Variants in ATP6V0A2 observed in about 807,000 individuals in gnomAD.
ATP6V0A2 encodes ATPase H+ transporting V0 subunit a2.
A neutral mutation model predicts 104.4 loss-of-function variants in ATP6V0A2; 58 were observed. The observed-to-expected ratio is 0.56, with a 90% confidence interval of 0.45 to 0.69. The LOEUF (loss-of-function observed/expected upper bound fraction) is 0.69, where lower values mean the gene tolerates loss of function less well. Among genes scored for constraint, ATP6V0A2 ranks in the 30% least tolerant of loss-of-function variants. ATP6V0A2 has a pLI of 0.00. For missense variants in ATP6V0A2, 938 were observed against 1,062.9 expected (o/e 0.88, Z 1.63); for synonymous variants, 376 against 397.9 (o/e 0.95, Z 0.65).
Position 123,724,726 on chromosome 12 carries a change from C to G in ATP6V0A2, c.367C>G (p.Leu123Val). ...CAAGGAGAAACTGAGGAAAAACTTG[C>G]TGGAACTGATAGAGTACACTCACAT... is the stretch of plus-strand genomic sequence containing the variant. ...KNKEKLRKNL[L>V]ELIEYTHMLR... The change falls in exon 4 of 20, where the codon CTG becomes GTG. Residue 123 changes from leucine to valine, a missense_variant. Leu to Val is a conservative substitution (Grantham distance 32). Transcript: ENST00000330342. 6.2e-7 allele frequency: 1 copy of G among 1,613,656 alleles called. No individual in the cohort carries two copies. The highest frequency in any genetic ancestry group is 8.5e-7 in the Non-Finnish European group (1 of 1,179,800).
chr12:123,737,092 G>A lies in ATP6V0A2; in HGVS notation c.859G>A (p.Val287Met). 2 of 1,614,238 alleles carry A rather than the reference G, an allele frequency of 1.2e-6. No homozygotes were observed. Among genetic ancestry groups the A allele is most frequent in the Non-Finnish European group, 8.5e-7 (1 of 1,180,038 alleles). The change falls in exon 9 of 20, where the codon GTG (valine) becomes ATG (methionine). Residue 287 changes from valine to methionine, a missense_variant. Val to Met is a conservative substitution (Grantham distance 21, BLOSUM62 1). Transcript: ENST00000330342. Reference sequence around the variant, plus strand: ...CAAAACCGAGGACTATTTGAGGCAAGTGCTATGTAAAGCCGCCGAGTCTGT... The same window carrying A: ...CAAAACCGAGGACTATTTGAGGCAAATGCTATGTAAAGCCGCCGAGTCTGT... ...LHKTEDYLRQ[V>M]LCKAAESVYS...
At chr12:123,718,301 G>A (rs1033116184) in intron 1 of ATP6V0A2, among the ~76,000 whole-genome samples, 1 of 152,014 alleles carries the variant, frequency 6.6e-6, no homozygotes, top group African/African-American at 2.4e-5. Context: ...TGTTGGCCAG[G>A]CTGGTCTTGA....
intron 6 of ATP6V0A2, chr12:123,732,320 G>A (rs1956509094): frequency 1.3e-5 from 2 of 154,092 alleles, no homozygotes; most frequent in Non-Finnish European, 1.4e-5. Flanking sequence ...TCGCCTGGCT[G>A]GGCCCCTGCT....
At chr12:123,756,159 A>G (rs1288464931) in intron 18 of ATP6V0A2, among the ~76,000 whole-genome samples, 1 of 151,358 alleles carries the variant, frequency 6.6e-6, no homozygotes, top group African/African-American at 2.4e-5. Context: ...AGAGTTTTTA[A>G]TGTTTTAACA....
In ATP6V0A2 at chr12:123,744,146, C is replaced by T. The variant is rs1259502760; in HGVS notation, c.1190-55C>T. 2 of 1,610,204 alleles carry T rather than the reference C, an allele frequency of 1.2e-6. No individual in the cohort carries two copies. The highest frequency in any genetic ancestry group is 1.7e-6 in the Non-Finnish European group (2 of 1,176,956). Reference sequence around the variant, plus strand: ...TTATGTATCATTGTGTTTGAATGAACTCAGGTTTTCCATATTTGCTGTGAA... The same window carrying T: ...TTATGTATCATTGTGTTTGAATGAATTCAGGTTTTCCATATTTGCTGTGAA... On this transcript the variant is annotated intron_variant, in intron 10 of 19. Transcript: ENST00000330342. This position sits in a 1 kb window ranked among gnomAD's most constrained non-coding sequence, Gnocchi z 5.4.
intron 3 of ATP6V0A2, chr12:123,724,124 C>T (rs1406060572): frequency 2.0e-5 from 3 of 152,060 alleles, no homozygotes; most frequent in Non-Finnish European, 1.5e-5. Flanking sequence ...GAGTCTTGCT[C>T]TGTCACCCAA....
intron 2 of ATP6V0A2, among the ~76,000 whole-genome samples, chr12:123,721,851 C>T (rs1956402982): frequency 6.6e-6 from 1 of 152,182 alleles, no homozygotes; most frequent in African/African-American, 2.4e-5. Context: ...TCTTGTTGGA[C>T]TGATGGATGC....
At chr12:123,714,849 A>C (rs1353556402) in intron 1 of ATP6V0A2, among the ~76,000 whole-genome samples, 3 of 152,202 alleles carry the variant, frequency 2.0e-5, no homozygotes, top group African/African-American at 7.2e-5. Context: ...TCGGAGGCCA[A>C]GGCGGGCAGA....
intron 1 of ATP6V0A2, among the ~76,000 whole-genome samples, chr12:123,713,371 G>C (rs544244620): frequency 6.6e-6 from 1 of 152,136 alleles, no homozygotes; most frequent in East Asian, 1.9e-4. Context: ...ATTGTTTGTC[G>C]AGTGGAAGCT....
chr12:123,754,721 G>A, intron 18 of ATP6V0A2, 184 bp downstream of exon 18: 2 of 604,434 alleles, frequency 3.3e-6, no homozygotes, highest in East Asian at 5.6e-5. Context: ...GCTGAGGAGT[G>A]CTGTGGAAAA....
intron 1 of ATP6V0A2, 47 bp downstream of exon 1, chr12:123,712,729 C>T (rs567447214): frequency 2.0e-6 from 3 of 1,519,808 alleles, no homozygotes; most frequent in African/African-American, 1.4e-5. Context: ...CTCCTGGCGC[C>T]CCCAATCCCG....
intron 7 of ATP6V0A2, 63 bp from the exon 8 acceptor site, chr12:123,735,468 A>C: frequency 6.9e-7 from 1 of 1,451,196 alleles, no homozygotes; most frequent in African/African-American, 1.4e-5. Flanking sequence ...TGTGCCGGGG[A>C]GGTGAACGTG....
intron 9 of ATP6V0A2, among the ~76,000 whole-genome samples, chr12:123,741,293 G>GA (rs954279091): frequency 6.6e-6 from 1 of 151,548 alleles, no homozygotes; most frequent in African/African-American, 2.4e-5. Flanking sequence ...ATACACAATA[G>GA]AAAAAAAATT....
Position 123,737,120 on chromosome 12 carries a change from A to G in ATP6V0A2, c.887A>G (p.Tyr296Cys), listed in dbSNP as rs753314616. ...CTATGTAAAGCCGCCGAGTCTGTCT[A>G]CAGCCGTGTGATCCAGGTGAAGAAA... ...QVLCKAAESV[Y>C]SRVIQVKKMK... is the part of the protein sequence containing the mutation. Residue 296 changes from tyrosine to cysteine, a missense_variant, in exon 9 of 20, where the codon TAC becomes TGC. By Grantham distance (194) the Tyr-to-Cys change is radical. Transcript: ENST00000330342. The G allele has an allele frequency of 2.5e-6, 4 of 1,614,222 alleles. No homozygotes were observed. The highest frequency in any genetic ancestry group is 3.3e-5 in the Admixed American group (2 of 60,026).
chr12:123,755,468 G>A (rs1262522994), intron 18 of ATP6V0A2, among the ~76,000 whole-genome samples: 6 of 150,512 alleles, frequency 4.0e-5, no homozygotes, highest in African/African-American at 7.4e-5. Context: ...CTTAGGAGGC[G>A]GAGGTTGCAG....
chr12:123,727,236 A>T (rs1197527989), intron 5 of ATP6V0A2, among the ~76,000 whole-genome samples: 1 of 152,022 alleles, frequency 6.6e-6, no homozygotes, highest in Non-Finnish European at 1.5e-5. Flanking sequence ...GGTTCAGTGT[A>T]ATAATCAGGA....
intron 13 of ATP6V0A2, 125 bp downstream of exon 13, chr12:123,745,097 G>T (rs1049931423): frequency 1.0e-6 from 1 of 969,546 alleles, no homozygotes; most frequent in Non-Finnish European, 1.6e-6. Context: ...GTGCTCATTA[G>T]CCCCTGTGCA....
rs766354816 is a variant in ATP6V0A2 at position 123,748,688 on chromosome 12, C to T, written c.1838C>T (p.Ser613Leu). ...FMIFYKWLVF[S>L]AETSRVAPSI... ...ATTTTCTACAAGTGGCTGGTTTTTTCAGCAGAAACCTCCAGAGTTGCTCCC... is the reference window on the plus strand; with the variant it reads ...ATTTTCTACAAGTGGCTGGTTTTTTTAGCAGAAACCTCCAGAGTTGCTCCC... Residue 613 changes from serine (S) to leucine (L), a missense_variant, in exon 15 of 20, where the codon TCA becomes TTA. Coordinates refer to ENST00000330342, the MANE Select transcript of ATP6V0A2 (RefSeq NM_012463.4). 3.1e-6 allele frequency: 5 copies of T among 1,614,124 alleles called. No homozygotes were observed. The South Asian group carries it at 5.5e-5, about 18-fold the overall frequency.
At chr12:123,729,101 A>G (rs1006011156) in intron 6 of ATP6V0A2, among the ~76,000 whole-genome samples, 3 of 151,838 alleles carry the variant, frequency 2.0e-5, no homozygotes, top group Non-Finnish European at 2.9e-5. Context: ...TTCCTCATTT[A>G]TTTCCTATTT....
Sources: allele counts gnomAD v4.1 joint callset (sites outside exome capture counted in the v4.1 genomes callset), GRCh38; gene constraint gnomAD v4.1.1; non-coding constraint Gnocchi (gnomAD v3.1); transcripts MANE v1.5; gene names NCBI Gene and HGNC (gene_info 2026-07-23, HGNC 2026-07-21).